CNTN2: variants seen among roughly 807,000 people sequenced by gnomAD.
CNTN2 encodes contactin-2.
CNTN2 carries 53 observed loss-of-function variants against 117.5 expected under a neutral mutation model. The observed-to-expected ratio is 0.45, with a 90% CI of 0.36 to 0.57. The LOEUF (loss-of-function observed/expected upper bound fraction) is 0.57, where lower values mean the gene tolerates loss of function less well. Ranked by LOEUF, CNTN2 falls within the 20% of genes least tolerant of loss-of-function variation. The pLI is 0.00. For synonymous variants in CNTN2, 530 were observed against 561.7 expected (o/e 0.94, Z 0.80); for missense variants, 1,106 against 1,404.3 (o/e 0.79, Z 3.39).
intron 2 of CNTN2, among the ~76,000 whole-genome samples, chr1:205,056,738 T>C (rs1653653639): frequency 6.6e-6 from 1 of 152,124 alleles, no homozygotes; most frequent in Non-Finnish European, 1.5e-5. Context: ...CAAAACGGAC[T>C]GGCCCCACCA....
At chr1:205,049,282 AC>A (rs34010740) in intron 1 of CNTN2, among the ~76,000 whole-genome samples, 16,019 of 48,768 alleles carry the variant, frequency 0.33, 1,284 homozygotes, top group East Asian at 0.46. Context: ...CTCACACCCG[AC>A]ACACACACAC....
rs1258326680 is a variant in CNTN2 at position 205,076,518 on chromosome 1, G to A, written c.*2753G>A. Reference sequence around the variant, plus strand: ...TGCGATCATGAGACCACAGTTCTGGGTTATCTCCTCTCATACATCAAGCCC... The same window carrying A: ...TGCGATCATGAGACCACAGTTCTGGATTATCTCCTCTCATACATCAAGCCC... On this transcript the variant is annotated 3_prime_UTR_variant, in exon 23 of 23. Transcript: ENST00000331830. 6.6e-6 allele frequency: 1 copy of A among 152,170 alleles called. No homozygotes were observed. The highest frequency in any genetic ancestry group is 1.5e-5 in the Non-Finnish European group (1 of 68,044). 9.4% of individuals were successfully genotyped at this position (152,170 alleles called of 1,614,324 possible). A position where few individuals can be genotyped will look rare whatever the true frequency, so the allele number is the denominator to read the frequency against.
At position 205,064,463 on chromosome 1, in the gene CNTN2, A is replaced by G; in HGVS notation, c.1382A>G (p.Asn461Ser). The change falls in exon 11 of 23, where the codon AAC becomes AGC. Residue 461 changes from asparagine to serine, a missense_variant. Asn to Ser is a conservative substitution (Grantham distance 46, BLOSUM62 1). Coordinates refer to ENST00000331830, the MANE Select transcript of CNTN2 (RefSeq NM_005076.5). ...AGCAAAGGCACGGAGATTTTGGTCA[A>G]CAGCAGCAGGTACCACCCACACCCC... ...LWSKGTEILV[N>S]SSRVTVTPDG... 1 of 1,609,220 alleles carries G rather than the reference A, an allele frequency of 6.2e-7. No individual in the cohort carries two copies.
At chr1:205,053,630 A>T (rs1186440796) in intron 2 of CNTN2, among the ~76,000 whole-genome samples, 1 of 152,206 alleles carries the variant, frequency 6.6e-6, no homozygotes, top group Non-Finnish European at 1.5e-5. Flanking sequence ...TACAACTCAG[A>T]TTCAATTCCA....
At position 205,071,949 on chromosome 1, in the gene CNTN2, C is replaced by A. The variant is rs759654858; in HGVS notation, c.2547C>A (p.Ile849=). 1 of 1,609,926 alleles carries A rather than the reference C, an allele frequency of 6.2e-7. No individual in the cohort carries two copies. The highest frequency in any genetic ancestry group is 8.5e-7 in the Non-Finnish European group (1 of 1,178,350). Residue 849 remains isoleucine (I), a splice_region_variant and synonymous_variant, in exon 20 of 23, where the codon ATC becomes ATA. Transcript: ENST00000331830. ...TTGGGTACCCCCGCCTCCTTCAGAT[C>A]CGCTACTGGAAAGCTGGGGACAAAG... The part of the protein sequence containing the change: ...DMNGILLGYE[I]RYWKAGDKEA...
At chr1:205,064,514 C>T in intron 11 of CNTN2, 42 bp downstream of exon 11, 1 of 1,593,802 alleles carries the variant, frequency 6.3e-7, no homozygotes, top group Non-Finnish European at 8.6e-7. Context: ...TGCTCCTCCT[C>T]ATTCTCCATG....
intron 1 of CNTN2, among the ~76,000 whole-genome samples, chr1:205,050,389 T>C (rs2096450582): frequency 6.6e-6 from 1 of 152,110 alleles, no homozygotes; most frequent in African/African-American, 2.4e-5. Context: ...CTATCAAGTA[T>C]ATACAGACTG....
chr1:205,051,755 A>G (rs1432378355), intron 1 of CNTN2, among the ~76,000 whole-genome samples: 1 of 152,046 alleles, frequency 6.6e-6, no homozygotes, highest in African/African-American at 2.4e-5. Flanking sequence ...AGGCAGGAAA[A>G]GGTTGTGGAG....
Position 205,058,502 on chromosome 1 carries a change from G to T in CNTN2, c.392-66G>T. On this transcript the variant is annotated intron_variant, in intron 4 of 22. Coordinates refer to ENST00000331830, the MANE Select transcript of CNTN2 (RefSeq NM_005076.5). The surrounding 1 kb of genome is among the most constrained non-coding windows in gnomAD (Gnocchi z 4.3). The stretch of plus-strand genomic sequence containing the variant: ...TAGTGAACTGCTGCTTCTCCGTGAA[G>T]GATGAGTCGGGGAGGGGCTCGCAGG... 1 of 1,579,610 alleles carries T rather than the reference G, an allele frequency of 6.3e-7. No homozygotes were observed. Among genetic ancestry groups the T allele is most frequent in the South Asian group, 1.1e-5 (1 of 89,776 alleles).
chr1:205,055,717 A>AC (rs1277195222), intron 2 of CNTN2, among the ~76,000 whole-genome samples: 1 of 152,012 alleles, frequency 6.6e-6, no homozygotes, highest in African/African-American at 2.4e-5. Flanking sequence ...CCAAGGTCCA[A>AC]CCCCCCAGAT....
chr1:205,065,827 G>A lies in CNTN2; in HGVS notation c.1734G>A (p.Gln578=), dbSNP rs200403480. The A allele has an allele frequency of 1.8e-5, 29 of 1,603,054 alleles. No homozygotes were observed. The East Asian group carries it at 6.2e-4, about 35-fold the overall frequency. Residue 578 remains glutamine, a synonymous_variant, in exon 14 of 23, where the codon CAG becomes CAA. Coordinates refer to ENST00000331830, the MANE Select transcript of CNTN2 (RefSeq NM_005076.5). This position sits in a 1 kb window ranked among gnomAD's most constrained non-coding sequence, Gnocchi z 4.1. ...TIGDLTILNA[Q]LRHGGKYTCM... ...GGGATCTGACCATCCTGAACGCCCAGCTGCGCCATGGGGGGAAGTACACGT... is the reference window on the plus strand; with the variant it reads ...GGGATCTGACCATCCTGAACGCCCAACTGCGCCATGGGGGGAAGTACACGT...
intron 16 of CNTN2, 195 bp from the exon 17 acceptor site, chr1:205,069,296 T>TA (rs1654458196): frequency 1.8e-6 from 1 of 563,100 alleles, no homozygotes; most frequent in African/African-American, 1.9e-5. Flanking sequence ...GCACAGCTAG[T>TA]AAATGGCAGA....
Position 205,075,220 on chromosome 1 carries a change from T to C in CNTN2, c.*1455T>C. On this transcript the variant is annotated 3_prime_UTR_variant, in exon 23 of 23. Coordinates refer to ENST00000331830, the MANE Select transcript of CNTN2 (RefSeq NM_005076.5). ...CCTGGCTAAGAAGGTGATTAGTCAG[T>C]AGGGTGTGAAAATTCTACTTCAAGG... The C allele has an allele frequency of 3.8e-6, 1 of 259,882 alleles. No individual in the cohort carries two copies. The highest frequency in any genetic ancestry group is 7.2e-6 in the Non-Finnish European group (1 of 138,878). The allele number at this position is 259,882 out of a possible 1,614,324, so 16.1% of individuals were successfully genotyped here.
Position 205,062,434 on chromosome 1 carries a change from G to C in CNTN2, c.1111-6G>C, listed in dbSNP as rs754588590. The C allele has an allele frequency of 3.1e-6, 5 of 1,610,950 alleles. No homozygotes were observed. In the South Asian group the frequency reaches 5.5e-5, roughly 18 times the overall value. On this transcript the variant is annotated splice_polypyrimidine_tract_variant and splice_region_variant and intron_variant, in intron 9 of 22. Transcript: ENST00000331830. Reference sequence around the variant, plus strand: ...ATCCCCCTGGGCTCTGGGCTCTTCTGCACAGAACCGGGTGGAGGTGTTGGC... The same window carrying C: ...ATCCCCCTGGGCTCTGGGCTCTTCTCCACAGAACCGGGTGGAGGTGTTGGC...
chr1:205,050,777 C>T (rs12084229), intron 1 of CNTN2, among the ~76,000 whole-genome samples: 1,786 of 152,278 alleles, frequency 0.012, 33 homozygotes, highest in African/African-American at 0.041. Flanking sequence ...TGCCACCATG[C>T]CCAGCAAATT....
chr1:205,074,710 C>T lies in CNTN2; in HGVS notation c.*945C>T. On this transcript the variant is annotated 3_prime_UTR_variant, in exon 23 of 23. Coordinates refer to ENST00000331830, the MANE Select transcript of CNTN2 (RefSeq NM_005076.5). ...CAGTGCTGCCTGCAGTCAGCTCGGC[C>T]TCCCCGACCTGCAGCCCCAGACTCT... 2 of 399,168 alleles carry T rather than the reference C, an allele frequency of 5.0e-6. No homozygotes were observed. Among genetic ancestry groups the T allele is most frequent in the Non-Finnish European group, 8.8e-6 (2 of 226,340 alleles). 24.7% of individuals were successfully genotyped at this position (399,168 alleles called of 1,614,324 possible).
Position 205,061,971 on chromosome 1 carries a change from G to T in CNTN2, c.1080G>T (p.Trp360Cys). The change falls in exon 9 of 23, where the codon TGG becomes TGT. Residue 360 changes from tryptophan (W) to cysteine (C), a missense_variant. Physicochemically the swap from Trp to Cys is radical, Grantham distance 215 (BLOSUM62 -2). Transcript: ENST00000331830. The surrounding 1 kb of genome is among the most constrained non-coding windows in gnomAD (Gnocchi z 4.8). Reference sequence around the variant, plus strand: ...GCAAGCCCCGGCCTACAGTGCGCTGGCTGCGGAACGGGGAGCCTCTGGCCT... The same window carrying T: ...GCAAGCCCCGGCCTACAGTGCGCTGTCTGCGGAACGGGGAGCCTCTGGCCT... ...AAGKPRPTVR[W>C]LRNGEPLASQ... is the part of the protein sequence containing the mutation. 6.2e-7 allele frequency: 1 copy of T among 1,613,250 alleles called. No individual in the cohort carries two copies. Among genetic ancestry groups the T allele is most frequent in the Non-Finnish European group, 8.5e-7 (1 of 1,179,740 alleles).
At chr1:205,064,135 G>A (rs1015670416) in intron 10 of CNTN2, among the ~76,000 whole-genome samples, 187 bp from the exon 11 acceptor site, 12 of 150,906 alleles carry the variant, frequency 8.0e-5, no homozygotes, top group Admixed American at 4.6e-4. Context: ...GAGGGGGGGC[G>A]CGTTGTCAAT....
intron 1 of CNTN2, among the ~76,000 whole-genome samples, chr1:205,050,319 CAGAG>C (rs1334522560): frequency 1.8e-5 from 2 of 111,536 alleles, no homozygotes; most frequent in African/African-American, 6.3e-5. Flanking sequence ...GTGTGTGTGA[CAGAG>C]AGAGAGAGAG....
Sources: gnomAD v4.1 joint callset for allele counts (sites outside exome capture counted in the v4.1 genomes callset) on GRCh38, gnomAD v4.1.1 for gene constraint, Gnocchi (gnomAD v3.1) non-coding constraint, MANE v1.5 for transcripts, NCBI Gene and HGNC (gene_info 2026-07-23, HGNC 2026-07-21) for gene names.